The following DOCK3 variants were observed in gnomAD, a reference collection of about 807,000 sequenced individuals.
DOCK3 encodes the protein dedicator of cytokinesis protein 3.
A neutral mutation model predicts 265.6 loss-of-function variants in DOCK3; 60 were observed. The ratio of observed to expected loss-of-function variants is 0.23; its 90% CI spans 0.18 to 0.28. The LOEUF (loss-of-function observed/expected upper bound fraction) is 0.28. Among genes scored for constraint, DOCK3 ranks in the 10% least tolerant of loss-of-function variants. The probability of loss-of-function intolerance (pLI) is 1.00; values close to 1 mark genes in which losing one functional copy is unlikely to be tolerated. For synonymous variants in DOCK3, 881 were observed against 938.0 expected (o/e 0.94, Z 1.11); for missense variants, 1,981 against 2,594.3 (o/e 0.76, Z 5.14).
chr3:50,797,972 A>C (rs2042878270), intron 2 of DOCK3, among the ~76,000 whole-genome samples: 1 of 152,234 alleles, frequency 6.6e-6, no homozygotes, highest in Non-Finnish European at 1.5e-5. Context: ...AATTAGGCAA[A>C]GAATACAAAA....
At chr3:51,267,254 G>A (rs1281943490) in intron 23 of DOCK3, among the ~76,000 whole-genome samples, 1 of 152,204 alleles carries the variant, frequency 6.6e-6, no homozygotes, top group Admixed American at 6.5e-5. Context: ...GTGGAAGACA[G>A]TGTGGTGATT....
chr3:51,201,809 T>C (rs2108017721), intron 12 of DOCK3, among the ~76,000 whole-genome samples: 2 of 152,048 alleles, frequency 1.3e-5, no homozygotes, highest in Admixed American at 6.6e-5. Flanking sequence ...GAACAGAAAT[T>C]ATAACAAACT....
chr3:51,073,265 A>G (rs1002826483), intron 6 of DOCK3, among the ~76,000 whole-genome samples: 27 of 152,288 alleles, frequency 1.8e-4, no homozygotes, highest in Non-Finnish European at 3.5e-4. Context: ...TTGTTTTTCC[A>G]TATCTCTATA....
intron 5 of DOCK3, among the ~76,000 whole-genome samples, chr3:50,966,597 G>GA (rs925153920): frequency 2.1e-5 from 3 of 145,578 alleles, no homozygotes; most frequent in African/African-American, 5.1e-5. Context: ...TAGTGATACT[G>GA]AACACCTTTT....
intron 14 of DOCK3, among the ~76,000 whole-genome samples, chr3:51,223,089 CT>C (rs2090175037): frequency 6.6e-6 from 1 of 152,142 alleles, no homozygotes; most frequent in South Asian, 2.1e-4. Flanking sequence ...CAGGTGTACA[CT>C]ACCATGTTTA....
At chr3:50,938,443 A>G (rs1021969424) in intron 5 of DOCK3, among the ~76,000 whole-genome samples, 3 of 152,148 alleles carry the variant, frequency 2.0e-5, no homozygotes, top group Admixed American at 6.5e-5. Flanking sequence ...AATTTATAGA[A>G]TACTTAATAA....
intron 1 of DOCK3, among the ~76,000 whole-genome samples, chr3:50,725,976 A>T (rs886064937): frequency 6.6e-6 from 1 of 152,174 alleles, no homozygotes; most frequent in African/African-American, 2.4e-5. Context: ...TTATGTTACA[A>T]TGTCGCGGAT....
intron 12 of DOCK3, among the ~76,000 whole-genome samples, chr3:51,198,858 G>A (rs2088497491): frequency 6.6e-6 from 1 of 152,082 alleles, no homozygotes; most frequent in South Asian, 2.1e-4. Flanking sequence ...GTGAAAGCCT[G>A]TCTGTACTAA....
chr3:51,159,147 A>G lies in DOCK3; in HGVS notation c.829-97A>G, dbSNP rs1295390540. 6.8e-6 allele frequency: 8 copies of G among 1,184,162 alleles called. No individual in the cohort carries two copies. In the East Asian group the frequency reaches 7.1e-5, roughly 10 times the overall value. 73.4% of individuals were successfully genotyped at this position (1,184,162 alleles called of 1,614,324 possible). On this transcript the variant is annotated intron_variant, in intron 10 of 52. Coordinates refer to ENST00000266037, the MANE Select transcript of DOCK3 (RefSeq NM_004947.5). Reference sequence around the variant, plus strand: ...TGCTGTAATCTCCCTTCCCCTGCCTATAACATACAGTAAAAGCAAATGACT... The same window carrying G: ...TGCTGTAATCTCCCTTCCCCTGCCTGTAACATACAGTAAAAGCAAATGACT...
At chr3:50,933,058 A>G (rs1308076763) in intron 4 of DOCK3, among the ~76,000 whole-genome samples, 1 of 152,158 alleles carries the variant, frequency 6.6e-6, no homozygotes, top group Non-Finnish European at 1.5e-5. Context: ...TCCTCTTTAA[A>G]AAAGCCATCA....
At chr3:51,292,121 C>G (rs12715446) in intron 27 of DOCK3, among the ~76,000 whole-genome samples, 124,989 of 152,134 alleles carry the variant, frequency 0.82, 51,930 homozygotes, top group Middle Eastern at 0.9. Context: ...TATGATAAGC[C>G]CATAGTTAAC....
intron 5 of DOCK3, among the ~76,000 whole-genome samples, chr3:51,017,231 T>C (rs2108843982): frequency 6.6e-6 from 1 of 151,288 alleles, no homozygotes; most frequent in African/African-American, 2.4e-5. Context: ...TGATGTCTCC[T>C]TTTTCATCTC....
At chr3:50,901,815 A>G (rs1177171968) in intron 4 of DOCK3, 2 of 376,072 alleles carry the variant, frequency 5.3e-6, no homozygotes, top group East Asian at 7.5e-5. Flanking sequence ...CTGTCTAACC[A>G]GTCCCAATGA....
At chr3:50,713,649 T>G (rs1457888037) in intron 1 of DOCK3, among the ~76,000 whole-genome samples, 1 of 151,566 alleles carries the variant, frequency 6.6e-6, no homozygotes, top group African/African-American at 2.4e-5. Flanking sequence ...TATATATATA[T>G]ATATATTTTT....
Position 51,137,459 on chromosome 3 carries a change from C to A in DOCK3, c.747-9090C>A, listed in dbSNP as rs148044385. 1.4e-3 allele frequency among the ~76,000 whole-genome samples: 208 copies of A among 152,144 alleles called. 2 individuals carry two copies. Among genetic ancestry groups the A allele is most frequent in the African/African-American group, 4.8e-3 (198 of 41,478 alleles). On this transcript the variant is annotated intron_variant, in intron 9 of 52. Coordinates refer to ENST00000266037, the MANE Select transcript of DOCK3 (RefSeq NM_004947.5). ...CCAAAACAGAGTCTTTAGGATGTAC[C>A]CTCGTTGAGGATAAGAAACTCGTCT...
chr3:51,358,047 G>C lies in DOCK3; in HGVS notation c.4854G>C (p.Gln1618His). 1 of 1,613,986 alleles carries C rather than the reference G, an allele frequency of 6.2e-7. No homozygotes were observed. The highest frequency in any genetic ancestry group is 8.5e-7 in the Non-Finnish European group (1 of 1,179,892). ...CTCTGCATAAGAAGCTAATTGATCA[G>C]TTCCAGATGATGCGGGCCAGTCTCT... Reference protein sequence around the residue: ...MRPLHKKLIDQFQMMRASLYH... With the variant: ...MRPLHKKLIDHFQMMRASLYH... The change falls in exon 46 of 53, where the codon CAG (glutamine) becomes CAC (histidine). Residue 1618 changes from glutamine to histidine, a missense_variant. Gln to His is a conservative substitution (Grantham distance 24). Around this residue, in one of 4 missense-constraint regions of DOCK3, gnomAD observed 1,357 missense variants for 1,866.8 expected, o/e 0.73. Transcript: ENST00000266037.
chr3:50,888,253 A>G (rs537365322), intron 3 of DOCK3, among the ~76,000 whole-genome samples: 3 of 152,240 alleles, frequency 2.0e-5, no homozygotes, highest in Admixed American at 6.5e-5. Flanking sequence ...GTAAACTCCC[A>G]TTCACAATTG....
At chr3:50,723,118 C>A (rs549355658) in intron 1 of DOCK3, among the ~76,000 whole-genome samples, 7 of 152,044 alleles carry the variant, frequency 4.6e-5, no homozygotes, top group Non-Finnish European at 1.0e-4. Context: ...AAAAGAACCA[C>A]GTGAAAATTT....
At chr3:51,094,115 T>G (rs1207585305) in intron 9 of DOCK3, among the ~76,000 whole-genome samples, 1 of 152,218 alleles carries the variant, frequency 6.6e-6, no homozygotes, top group Non-Finnish European at 1.5e-5. Flanking sequence ...ATCAGGGATA[T>G]TGGCCCGAAA....
Sources: allele counts gnomAD v4.1 joint callset (sites outside exome capture counted in the v4.1 genomes callset), GRCh38; gene constraint gnomAD v4.1.1; regional missense constraint gnomAD v4.1.1; transcripts MANE v1.5; gene names NCBI Gene and HGNC (gene_info 2026-07-23, HGNC 2026-07-21).